TLE1: variants seen among roughly 807,000 people sequenced by gnomAD.
TLE1 encodes TLE family member 1, transcriptional corepressor.
TLE1 carries 21 observed loss-of-function variants against 89.8 expected under a neutral mutation model. The observed-to-expected ratio is 0.23, with a 90% CI of 0.17 to 0.34. The LOEUF is 0.34. Ranked by LOEUF, TLE1 falls within the 10% of genes least tolerant of loss-of-function variation. TLE1 has a pLI of 1.00. For missense variants in TLE1, 795 were observed against 1,031.2 expected (o/e 0.77, Z 3.14); for synonymous variants, 447 against 407.6 (o/e 1.10, Z -1.16).
chr9:81,600,187 TGCTATTTC>T, intron 14 of TLE1: 1 of 672,784 alleles, frequency 1.5e-6, no homozygotes, highest in Non-Finnish European at 2.7e-6. Flanking sequence ...CTTAATATAT[TGCTATTTC>T]AAAGCTAAAC....
At chr9:81,613,811 GCCAAGT>G in intron 11 of TLE1, among the ~76,000 whole-genome samples, 1 of 151,572 alleles carries the variant, frequency 6.6e-6, no homozygotes, top group South Asian at 2.1e-4. Context: ...TTGGGTCTAC[GCCAAGT>G]TAGAAAGATG....
chr9:81,616,194 T>C (rs895138181), intron 10 of TLE1, 60 bp from the exon 11 acceptor site: 44 of 1,545,790 alleles, frequency 2.8e-5, no homozygotes, highest in Non-Finnish European at 4.4e-6. Flanking sequence ...ACTTTTCCCT[T>C]TCCACACTCA....
chr9:81,596,518 A>T (rs1409678491), intron 14 of TLE1, among the ~76,000 whole-genome samples: 1 of 152,238 alleles, frequency 6.6e-6, no homozygotes, highest in East Asian at 1.9e-4. Flanking sequence ...CTGAGGGCTC[A>T]TCATGACCAT....
intron 6 of TLE1, among the ~76,000 whole-genome samples, chr9:81,650,341 C>T (rs558987776): frequency 6.6e-5 from 10 of 152,290 alleles, no homozygotes; most frequent in Non-Finnish European, 1.3e-4. Context: ...CAGAGTTTTG[C>T]CATCATGAAA....
rs540669376 is a variant in TLE1, at chr9:81,634,329, A to AAGG, written c.373-31_373-29dup. ...GTTGGTGGTGGTGGTGAGAGAGAAA[A>AAGG]AGGAGGAGGAGGAGGAGGTAGTGGT... On this transcript the variant is annotated intron_variant, in intron 6 of 19. Coordinates refer to ENST00000376499, the MANE Select transcript of TLE1 (RefSeq NM_005077.5). 7.5e-5 allele frequency: 109 copies of AAGG among 1,457,604 alleles called. 1 individual carries two copies. The highest frequency in any genetic ancestry group is 3.6e-4 in the Middle Eastern group (2 of 5,516). 90.3% of individuals were successfully genotyped at this position (1,457,604 alleles called of 1,614,324 possible).
chr9:81,589,201 C>T (rs968271062), intron 16 of TLE1, among the ~76,000 whole-genome samples: 1 of 152,156 alleles, frequency 6.6e-6, no homozygotes, highest in Non-Finnish European at 1.5e-5. Flanking sequence ...AATCCAGTGA[C>T]CCTCTGACTT....
At chr9:81,625,761 G>T (rs115266971) in intron 8 of TLE1, among the ~76,000 whole-genome samples, 7 of 151,994 alleles carry the variant, frequency 4.6e-5, no homozygotes, top group Admixed American at 4.6e-4. Context: ...ACCTATTCAA[G>T]ACCAAGGTAG....
chr9:81,595,918 G>A (rs761328398), intron 14 of TLE1, among the ~76,000 whole-genome samples: 10 of 151,964 alleles, frequency 6.6e-5, no homozygotes, highest in Admixed American at 1.3e-4. Flanking sequence ...CAAAGATCTC[G>A]GTGCCATGAG....
intron 4 of TLE1, among the ~76,000 whole-genome samples, chr9:81,668,479 A>G (rs1448432147): frequency 6.6e-6 from 1 of 152,188 alleles, no homozygotes; most frequent in Admixed American, 6.5e-5. Context: ...ATGTGGAGGC[A>G]AACAGGAATA....
At chr9:81,596,077 C>A (rs1318588042) in intron 14 of TLE1, among the ~76,000 whole-genome samples, 1 of 152,048 alleles carries the variant, frequency 6.6e-6, no homozygotes, top group Non-Finnish European at 1.5e-5. Flanking sequence ...CAACTGGAAG[C>A]CTGCTTATCA....
At chr9:81,663,005 G>A (rs1009379011) in intron 4 of TLE1, among the ~76,000 whole-genome samples, 6 of 151,996 alleles carry the variant, frequency 3.9e-5, no homozygotes, top group East Asian at 2.0e-4. Flanking sequence ...GCACCACCAC[G>A]TGCAGCTAAT....
intron 14 of TLE1, among the ~76,000 whole-genome samples, chr9:81,605,207 G>A (rs1415054117): frequency 6.6e-6 from 1 of 152,128 alleles, no homozygotes; most frequent in Non-Finnish European, 1.5e-5. Context: ...GGACACATGA[G>A]TTTGTCCTCA....
chr9:81,674,759 A>G (rs1832676450), intron 4 of TLE1, among the ~76,000 whole-genome samples: 1 of 152,166 alleles, frequency 6.6e-6, no homozygotes, highest in East Asian at 1.9e-4. Context: ...AATCACCTAA[A>G]AACCGTGTAA....
At chr9:81,657,746 G>A (rs1036907990) in intron 4 of TLE1, among the ~76,000 whole-genome samples, 8 of 151,898 alleles carry the variant, frequency 5.3e-5, no homozygotes, top group Admixed American at 6.6e-5. Context: ...ATAAAATGGT[G>A]TATTTGCATA....
chr9:81,681,599 G>A (rs1174129196), intron 4 of TLE1, among the ~76,000 whole-genome samples: 1 of 151,828 alleles, frequency 6.6e-6, no homozygotes, highest in East Asian at 1.9e-4. Context: ...AGAGCCCAGT[G>A]CTCTCACTCT....
intron 4 of TLE1, among the ~76,000 whole-genome samples, chr9:81,671,710 T>C (rs1432639938): frequency 6.6e-6 from 1 of 152,162 alleles, no homozygotes; most frequent in Non-Finnish European, 1.5e-5. Flanking sequence ...AACCTCCTTA[T>C]ACTTCCTCCT....
At chr9:81,628,341 T>C (rs951246151) in intron 8 of TLE1, among the ~76,000 whole-genome samples, 1 of 152,182 alleles carries the variant, frequency 6.6e-6, no homozygotes, top group Non-Finnish European at 1.5e-5. Context: ...AGAATTCCAC[T>C]AAAGTCTGCC....
chr9:81,646,908 C>T (rs1215551337), intron 6 of TLE1, among the ~76,000 whole-genome samples: 1 of 152,058 alleles, frequency 6.6e-6, no homozygotes, highest in Non-Finnish European at 1.5e-5. Flanking sequence ...AGAAATCTGA[C>T]CAATAAACAG....
At chr9:81,644,790 T>C (rs1828614215) in intron 6 of TLE1, among the ~76,000 whole-genome samples, 1 of 151,376 alleles carries the variant, frequency 6.6e-6, no homozygotes, top group Non-Finnish European at 1.5e-5. Flanking sequence ...GGTCAGGAGT[T>C]TGAGAACAGC....
Sources: allele counts gnomAD v4.1 joint callset (sites outside exome capture counted in the v4.1 genomes callset), GRCh38; gene constraint gnomAD v4.1.1; transcripts MANE v1.5; gene names NCBI Gene and HGNC (gene_info 2026-07-23, HGNC 2026-07-21).